Variants in CACNA2D1 observed in about 807,000 individuals in gnomAD.
CACNA2D1 encodes calcium voltage-gated channel auxiliary subunit alpha2delta 1, also known as voltage-dependent calcium channel subunit alpha-2/delta-1.
Under a neutral mutation model 171.5 loss-of-function variants are expected in CACNA2D1, and 53 were observed. The observed-to-expected ratio is 0.31, with a 90% confidence interval of 0.25 to 0.39. The LOEUF is 0.39. CACNA2D1 is among the 10% of genes least tolerant of loss of function. The pLI is 1.00. For missense variants in CACNA2D1, 903 were observed against 1,299.8 expected, an observed-to-expected ratio of 0.69 and a Z score of 4.69; for synonymous variants, 442 against 443.1, an observed-to-expected ratio of 1.00 and a Z score of 0.03.
At chr7:82,032,701 A>T in intron 12 of CACNA2D1, 96 bp downstream of exon 12, 1 of 660,344 alleles carries the variant, frequency 1.5e-6, no homozygotes, top group Non-Finnish European at 2.6e-6. Context: ...ATCAGGTTTT[A>T]AATCAAAAAT....
At chr7:82,077,205 T>A (rs1054664018) in intron 7 of CACNA2D1, among the ~76,000 whole-genome samples, 1 of 152,184 alleles carries the variant, frequency 6.6e-6, no homozygotes, top group African/African-American at 2.4e-5. Context: ...ATAGCAGAGA[T>A]GCTTTTTGTT....
At chr7:82,273,814 G>C (rs924876215) in intron 3 of CACNA2D1, among the ~76,000 whole-genome samples, 1 of 152,130 alleles carries the variant, frequency 6.6e-6, no homozygotes, top group South Asian at 2.1e-4. Flanking sequence ...GATTATGTAA[G>C]AATAGAAAGA....
At chr7:82,047,026 C>T (rs1243885504) in intron 10 of CACNA2D1, among the ~76,000 whole-genome samples, 1 of 152,000 alleles carries the variant, frequency 6.6e-6, no homozygotes, top group African/African-American at 2.4e-5. Flanking sequence ...GTATGCTGTT[C>T]TTTTACTTGA....
chr7:82,113,449 A>G (rs1233782499), intron 6 of CACNA2D1, among the ~76,000 whole-genome samples: 2 of 152,188 alleles, frequency 1.3e-5, no homozygotes, highest in Non-Finnish European at 2.9e-5. Flanking sequence ...AGGAGCAACC[A>G]GTGAAATTCT....
At chr7:82,182,126 C>T (rs1184592448) in intron 3 of CACNA2D1, among the ~76,000 whole-genome samples, 2 of 152,062 alleles carry the variant, frequency 1.3e-5, no homozygotes, top group African/African-American at 4.8e-5. Context: ...CTCAAACTTG[C>T]TTGTCCTTGT....
intron 3 of CACNA2D1, among the ~76,000 whole-genome samples, chr7:82,223,048 C>T (rs1329850756): frequency 6.6e-6 from 1 of 151,782 alleles, no homozygotes. Flanking sequence ...GGATTACAGG[C>T]ACATGTCACC....
Position 82,066,538 on chromosome 7 carries a change from A to C in CACNA2D1, c.659-14T>G. On this transcript the variant is annotated splice_polypyrimidine_tract_variant and intron_variant, in intron 7 of 38. Coordinates refer to ENST00000356860, the MANE Select transcript of CACNA2D1 (RefSeq NM_000722.4). ...CCCATGGTGAAGCTAAAAAAAAAAAAAAAAGAGAGATATTAAATCAAAATA... is the reference window on the plus strand; with the variant it reads ...CCCATGGTGAAGCTAAAAAAAAAAACAAAAGAGAGATATTAAATCAAAATA... 1 of 1,591,690 alleles carries C rather than the reference A, an allele frequency of 6.3e-7. No individual in the cohort carries two copies. Among genetic ancestry groups the C allele is most frequent in the Non-Finnish European group, 8.5e-7 (1 of 1,172,338 alleles).
intron 2 of CACNA2D1, among the ~76,000 whole-genome samples, chr7:82,340,171 T>A (rs1818451644): frequency 6.6e-6 from 1 of 152,174 alleles, no homozygotes; most frequent in Admixed American, 6.5e-5. Flanking sequence ...AAGACTAACA[T>A]AATGAGTTAG....
intron 3 of CACNA2D1, among the ~76,000 whole-genome samples, chr7:82,284,915 T>A (rs1469047136): frequency 6.6e-6 from 1 of 151,412 alleles, no homozygotes; most frequent in Non-Finnish European, 1.5e-5. Context: ...ACGCATCCAT[T>A]TTTTTTTTAA....
intron 38 of CACNA2D1, among the ~76,000 whole-genome samples, chr7:81,956,878 A>C (rs2130098379): frequency 6.6e-6 from 1 of 152,310 alleles, no homozygotes; most frequent in Non-Finnish European, 1.5e-5. Context: ...TCCAAGACCC[A>C]AAACATCTCT....
rs75055747 is a variant in CACNA2D1 at position 82,246,969 on chromosome 7, C to T, written c.295-76360G>A. 8.3e-3 allele frequency among the ~76,000 whole-genome samples: 1,265 copies of T among 152,154 alleles called. 14 individuals carry two copies. The highest frequency in any genetic ancestry group is 0.029 in the African/African-American group (1,205 of 41,516). ...CTTCTCCAGGTCCATTGCTTATCCA[C>T]CAGTCTCCAGCTTTGAGAAGAAGGG... On this transcript the variant is annotated intron_variant, in intron 3 of 38. Coordinates refer to ENST00000356860, the MANE Select transcript of CACNA2D1 (RefSeq NM_000722.4).
intron 5 of CACNA2D1, 37 bp from the exon 6 acceptor site, chr7:82,117,210 T>C (rs1328084866): frequency 6.2e-7 from 1 of 1,603,702 alleles, no homozygotes; most frequent in Non-Finnish European, 8.5e-7. Context: ...ATTACAATTT[T>C]TGCTAACATA....
At position 82,073,882 on chromosome 7, in the gene CACNA2D1, T is replaced by C. The variant is rs138523507; in HGVS notation, c.659-7358A>G. ...TCCCAAAATGCTTTGATTACAGGCGTCAGCCCTCACTCTCGGCCTGCATTT... is the reference window on the plus strand; with the variant it reads ...TCCCAAAATGCTTTGATTACAGGCGCCAGCCCTCACTCTCGGCCTGCATTT... On this transcript the variant is annotated intron_variant, in intron 7 of 38. Transcript: ENST00000356860. Among the ~76,000 whole-genome samples the C allele has an allele frequency of 9.9e-5, 15 of 152,248 alleles. No homozygotes were observed. The East Asian group carries it at 2.9e-3, about 29-fold the overall frequency.
At position 82,398,545 on chromosome 7, in the gene CACNA2D1, T is replaced by C. The variant is rs182419834; in HGVS notation, c.95+44820A>G. Among the ~76,000 whole-genome samples, 586 of 151,634 alleles carry C rather than the reference T, an allele frequency of 3.9e-3. 3 individuals carry two copies. The highest frequency in any genetic ancestry group is 0.013 in the African/African-American group (557 of 41,356). On this transcript the variant is annotated intron_variant, in intron 1 of 38. Transcript: ENST00000356860. Reference sequence around the variant, plus strand: ...ATGCTTTGTTCATTTCTGAGCGAGGTCTCACTACACTACCACTTCAGTTTC... The same window carrying C: ...ATGCTTTGTTCATTTCTGAGCGAGGCCTCACTACACTACCACTTCAGTTTC...
At chr7:82,395,588 G>C (rs889515046) in intron 1 of CACNA2D1, among the ~76,000 whole-genome samples, 1 of 152,124 alleles carries the variant, frequency 6.6e-6, no homozygotes, top group Non-Finnish European at 1.5e-5. Context: ...TATTCTAAAA[G>C]TGACTGAGGA....
intron 23 of CACNA2D1, 46 bp from the exon 24 acceptor site, chr7:81,982,673 T>C: frequency 8.9e-7 from 1 of 1,118,652 alleles, no homozygotes; most frequent in Non-Finnish European, 1.4e-6. Flanking sequence ...TCAGAGTATA[T>C]ATCCAGAGAT....
chr7:82,314,344 A>G (rs1343653699), intron 3 of CACNA2D1, among the ~76,000 whole-genome samples: 3 of 152,202 alleles, frequency 2.0e-5, no homozygotes, highest in African/African-American at 7.2e-5. Flanking sequence ...TTATTCTTCC[A>G]GTCAGCTGTA....
chr7:82,399,730 G>A (rs891347406), intron 1 of CACNA2D1, among the ~76,000 whole-genome samples: 3 of 97,906 alleles, frequency 3.1e-5, no homozygotes, highest in South Asian at 3.9e-4. Context: ...ACACACCTTC[G>A]TTCTTTCAAT....
chr7:82,084,990 G>A, intron 6 of CACNA2D1, 90 bp from the exon 7 acceptor site: 8 of 1,089,190 alleles, frequency 7.3e-6, no homozygotes. Flanking sequence ...TATTAAATAT[G>A]TTCATTGTTC....
Sources: gnomAD v4.1 joint callset for allele counts (sites outside exome capture counted in the v4.1 genomes callset) on GRCh38, gnomAD v4.1.1 for gene constraint, MANE v1.5 for transcripts, NCBI Gene and HGNC (gene_info 2026-07-23, HGNC 2026-07-21) for gene names.